Variants in NKAIN2 observed in about 807,000 individuals in gnomAD.
NKAIN2 encodes sodium/potassium transporting ATPase interacting 2, also known as sodium/potassium-transporting ATPase subunit beta-1-interacting protein 2.
A neutral mutation model predicts 32.6 loss-of-function variants in NKAIN2; 14 were observed. That is an observed-to-expected ratio of 0.43 (90% CI 0.28 to 0.67). The LOEUF (loss-of-function observed/expected upper bound fraction) is 0.67. Ranked by LOEUF, NKAIN2 falls within the 30% of genes least tolerant of loss-of-function variation. NKAIN2 has a pLI of 0.17. For missense variants in NKAIN2, 198 were observed against 258.3 expected, an observed-to-expected ratio of 0.77 and a Z score of 1.60; for synonymous variants, 80 against 87.2, an observed-to-expected ratio of 0.92 and a Z score of 0.46.
At chr6:124,766,097 A>T (rs561604883) in intron 4 of NKAIN2, among the ~76,000 whole-genome samples, 1 of 152,290 alleles carries the variant, frequency 6.6e-6, no homozygotes, top group Non-Finnish European at 1.5e-5. Context: ...AAGGTAATGG[A>T]TCTTTATTTT....
At chr6:124,434,034 T>A (rs1229988640) in intron 3 of NKAIN2, among the ~76,000 whole-genome samples, 1 of 152,126 alleles carries the variant, frequency 6.6e-6, no homozygotes. Context: ...TCATTATCCA[T>A]CTGATGCAGT....
At chr6:124,487,549 T>C (rs1005720352) in intron 3 of NKAIN2, among the ~76,000 whole-genome samples, 5 of 152,168 alleles carry the variant, frequency 3.3e-5, no homozygotes, top group Middle Eastern at 3.2e-3. Flanking sequence ...CCATAAGGAA[T>C]ACGCATTTGA....
chr6:124,799,558 T>C (rs1780162540), intron 5 of NKAIN2, among the ~76,000 whole-genome samples: 1 of 152,174 alleles, frequency 6.6e-6, no homozygotes, highest in Non-Finnish European at 1.5e-5. Flanking sequence ...TCATTCTCTC[T>C]CCTCTGTTAA....
chr6:123,923,570 A>G (rs1039605969), intron 1 of NKAIN2, among the ~76,000 whole-genome samples: 3 of 151,786 alleles, frequency 2.0e-5, no homozygotes, highest in African/African-American at 7.3e-5. Context: ...GACTGGATTA[A>G]GAAAGTGTGG....
At chr6:124,358,219 A>T (rs1307033514) in intron 3 of NKAIN2, among the ~76,000 whole-genome samples, 2 of 152,168 alleles carry the variant, frequency 1.3e-5, no homozygotes, top group Non-Finnish European at 2.9e-5. Flanking sequence ...TATTGTGAAT[A>T]GTGCCGAAAT....
At chr6:124,384,930 T>A (rs1772826656) in intron 3 of NKAIN2, among the ~76,000 whole-genome samples, 1 of 152,192 alleles carries the variant, frequency 6.6e-6, no homozygotes, top group African/African-American at 2.4e-5. Context: ...TCTCTTTTAC[T>A]CACTTTTTAA....
chr6:124,377,533 A>G (rs1800045468), intron 3 of NKAIN2, among the ~76,000 whole-genome samples: 1 of 152,138 alleles, frequency 6.6e-6, no homozygotes, highest in African/African-American at 2.4e-5. Context: ...TACCTAAAGG[A>G]TGAGTCAGAG....
At chr6:124,143,239 C>T (rs1391817074) in intron 1 of NKAIN2, among the ~76,000 whole-genome samples, 3 of 152,102 alleles carry the variant, frequency 2.0e-5, no homozygotes, top group African/African-American at 7.2e-5. Context: ...TGGAGGACTG[C>T]TTGAAGCCAT....
chr6:124,757,028 T>C (rs980532163), intron 4 of NKAIN2, among the ~76,000 whole-genome samples: 8 of 152,128 alleles, frequency 5.3e-5, no homozygotes, highest in East Asian at 1.9e-4. Flanking sequence ...GTACAAAACC[T>C]GTAGGAAGAA....
chr6:124,332,893 A>G (rs954169590), intron 2 of NKAIN2, among the ~76,000 whole-genome samples: 6 of 152,260 alleles, frequency 3.9e-5, no homozygotes, highest in African/African-American at 1.4e-4. Flanking sequence ...GTTAGTTTCA[A>G]AAGTAGATAG....
At chr6:124,276,568 T>C (rs1043366774) in intron 1 of NKAIN2, among the ~76,000 whole-genome samples, 8 of 152,104 alleles carry the variant, frequency 5.3e-5, no homozygotes, top group African/African-American at 1.9e-4. Flanking sequence ...GCATATAATG[T>C]TTAAAAGCCA....
intron 1 of NKAIN2, among the ~76,000 whole-genome samples, chr6:123,833,691 CTGTGTGTGTGTGTGTGTG>C: frequency 7.7e-6 from 1 of 129,570 alleles, no homozygotes; most frequent in East Asian, 2.3e-4. Flanking sequence ...ATTTTTTTTC[CTGTGTGTGTGTGTGTGTG>C]TGTGTGTGTG....
chr6:124,406,554 G>A (rs1454891720), intron 3 of NKAIN2, among the ~76,000 whole-genome samples: 4 of 152,128 alleles, frequency 2.6e-5, no homozygotes, highest in Non-Finnish European at 4.4e-5. Flanking sequence ...ACTATGCACA[G>A]TCTTTGCATG....
At chr6:124,611,836 T>G (rs1431348233) in intron 3 of NKAIN2, among the ~76,000 whole-genome samples, 1 of 152,172 alleles carries the variant, frequency 6.6e-6, no homozygotes, top group African/African-American at 2.4e-5. Flanking sequence ...GAGGTATACA[T>G]GTCGGCTAGA....
rs749793346 is a variant in NKAIN2, at chr6:123,967,528, G to A, written c.54+163274G>A. Among the ~76,000 whole-genome samples, 74 of 152,020 alleles carry A rather than the reference G, an allele frequency of 4.9e-4. 1 individual carries two copies. The highest frequency in any genetic ancestry group is 7.4e-5 in the Non-Finnish European group (5 of 68,010). Reference sequence around the variant, plus strand: ...CCTACCAATAATTGCAGCTTTTCATGTCCTCATCATATTTCCCATACACTG... The same window carrying A: ...CCTACCAATAATTGCAGCTTTTCATATCCTCATCATATTTCCCATACACTG... On this transcript the variant is annotated intron_variant, in intron 1 of 6. Coordinates refer to ENST00000368417, the MANE Select transcript of NKAIN2 (RefSeq NM_001040214.3).
At chr6:124,045,993 A>G (rs1162505554) in intron 1 of NKAIN2, among the ~76,000 whole-genome samples, 1 of 152,048 alleles carries the variant, frequency 6.6e-6, no homozygotes, top group Non-Finnish European at 1.5e-5. Flanking sequence ...CACGAAGTAC[A>G]GAATAAATTA....
chr6:124,496,913 G>A (rs1182927218), intron 3 of NKAIN2, among the ~76,000 whole-genome samples: 13 of 152,082 alleles, frequency 8.5e-5, no homozygotes, highest in African/African-American at 2.4e-4. Flanking sequence ...TCAAGGGTCA[G>A]AAATCTCATA....
chr6:124,473,790 A>C (rs373041219), intron 3 of NKAIN2, among the ~76,000 whole-genome samples: 21 of 152,286 alleles, frequency 1.4e-4, no homozygotes, highest in African/African-American at 3.8e-4. Flanking sequence ...ACAATAATTC[A>C]TCTGGAACCC....
intron 3 of NKAIN2, among the ~76,000 whole-genome samples, chr6:124,394,004 T>C (rs1032461550): frequency 3.3e-5 from 5 of 152,170 alleles, no homozygotes; most frequent in Admixed American, 1.3e-4. Flanking sequence ...CTTATTGAGT[T>C]TAAAGTCTAT....
Sources: allele counts gnomAD v4.1 joint callset (sites outside exome capture counted in the v4.1 genomes callset), GRCh38; gene constraint gnomAD v4.1.1; transcripts MANE v1.5; gene names NCBI Gene and HGNC (gene_info 2026-07-23, HGNC 2026-07-21).